The following OTUD7A variants were observed in gnomAD, a reference collection of about 807,000 sequenced individuals.
The protein encoded by OTUD7A is OTU deubiquitinase 7A, also known as OTU domain-containing protein 7A.
Under a neutral mutation model 65.7 loss-of-function variants are expected in OTUD7A, and 12 were observed. That is an observed-to-expected ratio of 0.18 (90% confidence interval 0.12 to 0.30). The LOEUF (loss-of-function observed/expected upper bound fraction) is 0.30, where lower values mean the gene tolerates loss of function less well. OTUD7A is among the 10% of genes least tolerant of loss of function. OTUD7A has a pLI of 1.00. For missense variants in OTUD7A, 1,148 were observed against 1,304.8 expected (o/e 0.88, Z 1.85); for synonymous variants, 641 against 586.3 (o/e 1.09, Z -1.35).
intron 1 of OTUD7A, among the ~76,000 whole-genome samples, chr15:31,682,224 T>A (rs1377124832): frequency 6.6e-6 from 1 of 152,128 alleles, no homozygotes; most frequent in Non-Finnish European, 1.5e-5. Context: ...TTCACAAAAT[T>A]CAGACAAAAG....
At chr15:31,647,633 T>C (rs541524909) in intron 3 of OTUD7A, among the ~76,000 whole-genome samples, 30 of 152,232 alleles carry the variant, frequency 2.0e-4, no homozygotes, top group Non-Finnish European at 3.4e-4. Context: ...CTCCCCGACT[T>C]AGTTATCTCC....
At chr15:31,589,158 C>T (rs189392770) in intron 3 of OTUD7A, among the ~76,000 whole-genome samples, 2 of 152,092 alleles carry the variant, frequency 1.3e-5, no homozygotes, top group Admixed American at 1.3e-4. Context: ...TATACATATA[C>T]ATACACGCAT....
At chr15:31,855,761 G>A (rs1360347782) in intron 1 of OTUD7A, among the ~76,000 whole-genome samples, 1 of 152,218 alleles carries the variant, frequency 6.6e-6, no homozygotes, top group African/African-American at 2.4e-5. Context: ...CCCTGAGTGA[G>A]CAGATGCCAA....
chr15:31,617,458 CT>C (rs1595659491), intron 3 of OTUD7A, among the ~76,000 whole-genome samples: 2 of 151,846 alleles, frequency 1.3e-5, no homozygotes, highest in Middle Eastern at 3.4e-3. Flanking sequence ...CTGCACTCCC[CT>C]GGTGACAGAG....
At chr15:31,643,150 A>G (rs573671896) in intron 3 of OTUD7A, among the ~76,000 whole-genome samples, 13 of 152,076 alleles carry the variant, frequency 8.5e-5, no homozygotes, top group African/African-American at 3.1e-4. Flanking sequence ...TTAATTTTTA[A>G]TTATTTTTTC....
chr15:31,590,090 A>G (rs1045700855), intron 3 of OTUD7A, among the ~76,000 whole-genome samples: 2 of 152,210 alleles, frequency 1.3e-5, no homozygotes, highest in African/African-American at 4.8e-5. Flanking sequence ...TATTCTCACA[A>G]GAGTATAGTG....
intron 2 of OTUD7A, among the ~76,000 whole-genome samples, 162 bp downstream of exon 2, chr15:31,656,821 G>T (rs1892007323): frequency 6.6e-6 from 1 of 152,064 alleles, no homozygotes; most frequent in Non-Finnish European, 1.5e-5. Context: ...AGGAATGCAG[G>T]AAATGAGCTC....
At chr15:31,579,034 C>T (rs889232448) in intron 3 of OTUD7A, among the ~76,000 whole-genome samples, 4 of 152,068 alleles carry the variant, frequency 2.6e-5, no homozygotes, top group East Asian at 1.9e-4. Flanking sequence ...TGACTCTTTT[C>T]GTTAACAATG....
chr15:31,631,632 G>T (rs1891159280), intron 3 of OTUD7A, among the ~76,000 whole-genome samples: 1 of 152,244 alleles, frequency 6.6e-6, no homozygotes, highest in East Asian at 1.9e-4. Flanking sequence ...CTGAATGTTT[G>T]CCTGCCTTGC....
rs765685756 is a variant in OTUD7A, at chr15:31,570,128, A to G, written c.221T>C (p.Leu74Pro). 3.7e-6 allele frequency: 6 copies of G among 1,614,210 alleles called. No homozygotes were observed. In the South Asian group the frequency reaches 6.6e-5, roughly 18 times the overall value. ...CCGCCCTTCATTGAACACATGTGGCAGATTGGCTGTGTGCACCTGGCGGAG... is the reference window on the plus strand; with the variant it reads ...CCGCCCTTCATTGAACACATGTGGCGGATTGGCTGTGTGCACCTGGCGGAG... ...EQLRQVHTANLPHVFNEGRGP... is the reference protein window; with the variant it reads ...EQLRQVHTANPPHVFNEGRGP... Residue 74 changes from leucine to proline, a missense_variant, in exon 4 of 13, where the codon CTG becomes CCG. By Grantham distance (98) the Leu-to-Pro change is moderately conservative. This residue lies in a region of OTUD7A where 51 missense variants were observed against 46.9 expected (regional missense o/e 1.09). Transcript: ENST00000307050.
At chr15:31,792,960 C>T (rs991676020) in intron 1 of OTUD7A, among the ~76,000 whole-genome samples, 3 of 152,174 alleles carry the variant, frequency 2.0e-5, no homozygotes, top group Admixed American at 2.0e-4. Context: ...TGCAGATGCT[C>T]ATCCTCCTCA....
chr15:31,693,608 A>G lies in OTUD7A; in HGVS notation c.-99-36531T>C, dbSNP rs1022924645. ...CCTTCTCAAAGCCCCCAGGGCTGAC[A>G]GCGGGCCCAGGGAGTGTGCTAACGC... On this transcript the variant is annotated intron_variant, in intron 1 of 12. Coordinates refer to ENST00000307050, the MANE Select transcript of OTUD7A (RefSeq NM_001382637.1). Among the ~76,000 whole-genome samples the G allele has an allele frequency of 2.6e-5, 4 of 152,110 alleles. No individual in the cohort carries two copies. In the South Asian group the frequency reaches 8.3e-4, roughly 32 times the overall value.
intron 5 of OTUD7A, chr15:31,556,816 C>T (rs919564097): frequency 1.6e-4 from 24 of 152,368 alleles, no homozygotes; most frequent in African/African-American, 4.3e-4. Flanking sequence ...TACTAATTTC[C>T]GCTTCTCTAT....
At chr15:31,646,840 G>A (rs768592048) in intron 3 of OTUD7A, among the ~76,000 whole-genome samples, 6 of 152,130 alleles carry the variant, frequency 3.9e-5, no homozygotes, top group Non-Finnish European at 8.8e-5. Flanking sequence ...GTACCTGGGG[G>A]TTACAAGCTT....
At chr15:31,801,053 C>CAAAAAAA (rs772401103) in intron 1 of OTUD7A, among the ~76,000 whole-genome samples, 1 of 91,352 alleles carries the variant, frequency 1.1e-5, no homozygotes, top group East Asian at 2.6e-4. Flanking sequence ...CCAGCAGCCT[C>CAAAAAAA]AAAAAAAAAA....
At chr15:31,507,429 G>GT (rs1246483579) in intron 8 of OTUD7A, among the ~76,000 whole-genome samples, 2 of 152,080 alleles carry the variant, frequency 1.3e-5, no homozygotes, top group African/African-American at 2.4e-5. Context: ...TTATTATAAG[G>GT]TTGTTAGGCT....
At chr15:31,863,200 G>A (rs1897789410) in intron 1 of OTUD7A, among the ~76,000 whole-genome samples, 2 of 152,170 alleles carry the variant, frequency 1.3e-5, no homozygotes, top group Non-Finnish European at 2.9e-5. Context: ...TGCTTTCAGG[G>A]GCTGGTGTTG....
At chr15:31,571,366 C>T (rs1889048463) in intron 3 of OTUD7A, among the ~76,000 whole-genome samples, 2 of 152,192 alleles carry the variant, frequency 1.3e-5, no homozygotes, top group Non-Finnish European at 2.9e-5. Flanking sequence ...AGGAAAGGCG[C>T]AGAGGCCCAT....
At chr15:31,671,835 G>C (rs1188774385) in intron 1 of OTUD7A, among the ~76,000 whole-genome samples, 1 of 152,100 alleles carries the variant, frequency 6.6e-6, no homozygotes, top group Non-Finnish European at 1.5e-5. Flanking sequence ...TGCATGTCAT[G>C]GGGGTTTGGT....
Sources: allele counts gnomAD v4.1 joint callset (sites outside exome capture counted in the v4.1 genomes callset), GRCh38; gene constraint gnomAD v4.1.1; regional missense constraint gnomAD v4.1.1; transcripts MANE v1.5; gene names NCBI Gene and HGNC (gene_info 2026-07-23, HGNC 2026-07-21).